The following ANO1 variants were observed in gnomAD, a reference collection of about 807,000 sequenced individuals.
The protein encoded by ANO1 is anoctamin 1.
In ANO1, 59 loss-of-function variants were observed where a neutral mutation model predicts 124.0. That is an observed-to-expected ratio of 0.48 (90% CI 0.39 to 0.59). The LOEUF (loss-of-function observed/expected upper bound fraction) is 0.59, where lower values mean the gene tolerates loss of function less well. Ranked by LOEUF, ANO1 falls within the 20% of genes least tolerant of loss-of-function variation. The pLI is 0.00. For synonymous variants in ANO1, 529 were observed against 532.0 expected, an observed-to-expected ratio of 0.99 and a Z score of 0.08; for missense variants, 1,059 against 1,328.0, an observed-to-expected ratio of 0.80 and a Z score of 3.15.
At chr11:70,173,413 C>T (rs2048550863) in intron 22 of ANO1, among the ~76,000 whole-genome samples, 1 of 152,140 alleles carries the variant, frequency 6.6e-6, no homozygotes, top group Admixed American at 6.6e-5. Context: ...ACTAAACTGC[C>T]CTGTGAGATT....
chr11:70,116,216 C>T (rs962860116), intron 7 of ANO1, among the ~76,000 whole-genome samples: 9 of 152,160 alleles, frequency 5.9e-5, no homozygotes, highest in Admixed American at 2.6e-4. Context: ...AGGGAAGAGG[C>T]GGCTCAGGCC....
At chr11:70,032,680 A>G (rs1166012179) in intron 1 of ANO1, among the ~76,000 whole-genome samples, 1 of 152,116 alleles carries the variant, frequency 6.6e-6, no homozygotes, top group Non-Finnish European at 1.5e-5. Flanking sequence ...CATCTGGAAG[A>G]AGGAAGAACA....
chr11:70,012,404 A>G (rs1047665192), intron 1 of ANO1, among the ~76,000 whole-genome samples: 3 of 150,966 alleles, frequency 2.0e-5, no homozygotes, highest in Non-Finnish European at 4.4e-5. Context: ...TCATCCATTC[A>G]TCCATCCATC....
intron 1 of ANO1, among the ~76,000 whole-genome samples, chr11:70,007,768 A>G (rs1189635617): frequency 1.3e-5 from 2 of 152,166 alleles, no homozygotes; most frequent in Non-Finnish European, 2.9e-5. Flanking sequence ...TTGGGGAGAC[A>G]CCCAGCAATG....
chr11:70,024,646 G>A (rs950868668), intron 1 of ANO1, among the ~76,000 whole-genome samples: 7 of 152,136 alleles, frequency 4.6e-5, no homozygotes, highest in East Asian at 3.9e-4. Context: ...GGGGAAACTC[G>A]GGCTCAGAGA....
At chr11:69,997,325 G>A (rs1856289592) in intron 1 of ANO1, among the ~76,000 whole-genome samples, 1 of 143,030 alleles carries the variant, frequency 7.0e-6, no homozygotes, top group Non-Finnish European at 1.5e-5. Flanking sequence ...AGTTTATATA[G>A]GCGGGTAAAA....
chr11:70,082,411 T>C (rs1475181438), intron 1 of ANO1, among the ~76,000 whole-genome samples: 1 of 152,126 alleles, frequency 6.6e-6, no homozygotes, highest in Non-Finnish European at 1.5e-5. Context: ...ATTATGAACA[T>C]TAACCAGGCA....
intron 1 of ANO1, among the ~76,000 whole-genome samples, chr11:70,086,889 G>T (rs930222096): frequency 3.3e-5 from 5 of 152,226 alleles, no homozygotes; most frequent in Non-Finnish European, 5.9e-5. Flanking sequence ...GGCTCTGTTT[G>T]GGGGAGAGCC....
At chr11:70,110,786 G>A (rs1258007817) in intron 6 of ANO1, among the ~76,000 whole-genome samples, 2 of 152,204 alleles carry the variant, frequency 1.3e-5, no homozygotes, top group Admixed American at 6.5e-5. Context: ...AAACGCCCCC[G>A]CCTGGCTGGG....
At chr11:70,043,150 GA>G (rs1857207918) in intron 1 of ANO1, among the ~76,000 whole-genome samples, 1 of 152,188 alleles carries the variant, frequency 6.6e-6, no homozygotes, top group South Asian at 2.1e-4. Flanking sequence ...GGAAAAGAAT[GA>G]AAGCTATTTT....
intron 1 of ANO1, among the ~76,000 whole-genome samples, chr11:70,069,461 CTGTT>C (rs1555009050): frequency 1.3e-5 from 2 of 152,202 alleles, no homozygotes; most frequent in African/African-American, 2.4e-5. Context: ...CAGCCCCACT[CTGTT>C]TGGTCCCCAA....
intron 6 of ANO1, among the ~76,000 whole-genome samples, chr11:70,109,313 C>A (rs192024824): frequency 2.6e-5 from 4 of 152,302 alleles, no homozygotes; most frequent in African/African-American, 9.6e-5. Context: ...GGGCTCGGAA[C>A]TGGAATTCCT....
At chr11:70,029,607 C>T (rs1268509193) in intron 1 of ANO1, among the ~76,000 whole-genome samples, 6 of 152,234 alleles carry the variant, frequency 3.9e-5, no homozygotes, top group Non-Finnish European at 4.4e-5. Context: ...CCTCTGAGGG[C>T]GCCCAGGTGC....
At chr11:70,107,708 G>T (rs568813911) in intron 5 of ANO1, among the ~76,000 whole-genome samples, 2 of 152,148 alleles carry the variant, frequency 1.3e-5, no homozygotes, top group Non-Finnish European at 2.9e-5. Context: ...CAGAGCTGGC[G>T]CCAGGTTCCA....
At position 70,067,323 on chromosome 11, in the gene ANO1, G is replaced by GGTTTTTTTTTT. The variant is rs1555008734; in HGVS notation, c.59-11219_59-11218insGTTTTTTTTTT. ...TCCAAGGGGACAAGGAATCGTGGGT[G>GGTTTTTTTTTT]TTTTTTTTTTTTTTTTTTTTTTGAG... On this transcript the variant is annotated intron_variant, in intron 1 of 27. Coordinates refer to the ANO1 transcript ENST00000531349. 5.5e-5 allele frequency among the ~76,000 whole-genome samples: 7 copies of GGTTTTTTTTTT among 126,536 alleles called. 3 individuals carry two copies. Among genetic ancestry groups the GGTTTTTTTTTT allele is most frequent in the African/African-American group, 8.8e-5 (3 of 34,160 alleles). 83.0% of individuals were successfully genotyped at this position (126,536 alleles called of 152,430 possible).
intron 5 of ANO1, among the ~76,000 whole-genome samples, chr11:70,107,395 C>T (rs1205861931): frequency 6.6e-6 from 1 of 151,662 alleles, no homozygotes; most frequent in African/African-American, 2.4e-5. Flanking sequence ...AAAGGAACAG[C>T]CAGGGCGGAG....
chr11:70,049,402 T>A (rs1857313824), intron 1 of ANO1, among the ~76,000 whole-genome samples: 1 of 152,182 alleles, frequency 6.6e-6, no homozygotes, highest in Non-Finnish European at 1.5e-5. Flanking sequence ...CAAACGGGGA[T>A]ATGATTGTCC....
At position 70,188,147 on chromosome 11, in the gene ANO1, A is replaced by G. The variant is rs912783543; in HGVS notation, c.*143A>G. The G allele has an allele frequency of 8.4e-6, 8 of 947,724 alleles. No homozygotes were observed. The African/African-American group carries it at 1.3e-4, about 16-fold the overall frequency. 58.7% of individuals were successfully genotyped at this position (947,724 alleles called of 1,614,324 possible). ...ATGGAGGACCACTTTCTGATAGGAC[A>G]TTTTCCTTTCTTCTTTCTGTTTTCT... On this transcript the variant is annotated 3_prime_UTR_variant, in exon 26 of 26. Coordinates refer to ENST00000355303, the MANE Select transcript of ANO1 (RefSeq NM_018043.7).
chr11:69,990,373 C>A (rs1165202703), intron 1 of ANO1, among the ~76,000 whole-genome samples: 1 of 152,222 alleles, frequency 6.6e-6, no homozygotes, highest in African/African-American at 2.4e-5. Flanking sequence ...GGATATACCA[C>A]ATTGCGTTTG....
Sources: allele counts gnomAD v4.1 joint callset (sites outside exome capture counted in the v4.1 genomes callset), GRCh38; gene constraint gnomAD v4.1.1; transcripts MANE v1.5; gene names NCBI Gene and HGNC (gene_info 2026-07-23, HGNC 2026-07-21).